The following GRIK2 variants were observed in gnomAD, a reference collection of about 807,000 sequenced individuals.
The protein encoded by GRIK2 is glutamate receptor ionotropic, kainate 2.
Under a neutral mutation model 100.3 loss-of-function variants are expected in GRIK2, and 32 were observed. That is an observed-to-expected ratio of 0.32 (90% CI 0.24 to 0.43). The LOEUF (loss-of-function observed/expected upper bound fraction) is 0.43. GRIK2 is among the 20% of genes least tolerant of loss of function. GRIK2 has a pLI of 1.00. For missense variants in GRIK2, 843 were observed against 1,114.9 expected, an observed-to-expected ratio of 0.76 and a Z score of 3.47; for synonymous variants, 417 against 389.4, an observed-to-expected ratio of 1.07 and a Z score of -0.83.
intron 14 of GRIK2, among the ~76,000 whole-genome samples, chr6:102,007,263 A>C (rs12205285): frequency 0.073 from 11,157 of 152,136 alleles, 575 homozygotes; most frequent in Middle Eastern, 0.19. Flanking sequence ...TTGAGAAGGT[A>C]ATTGAAAAGG....
intron 2 of GRIK2, among the ~76,000 whole-genome samples, chr6:101,496,550 C>T (rs1773458566): frequency 6.6e-6 from 1 of 152,104 alleles, no homozygotes; most frequent in South Asian, 2.1e-4. Context: ...ATTTTGTCAA[C>T]AATGATTAAA....
At chr6:101,744,554 A>ATCTATCTATC (rs1347993350) in intron 7 of GRIK2, 15 of 114,814 alleles carry the variant, frequency 1.3e-4, no homozygotes, top group African/African-American at 5.3e-4. Context: ...ATATATATAT[A>ATCTATCTATC]TATATCACAA....
Position 101,719,629 on chromosome 6 carries a change from CAT to C in GRIK2, c.951+33281_951+33282del, listed in dbSNP as rs1164563530. 9.9e-5 allele frequency among the ~76,000 whole-genome samples: 15 copies of C among 151,968 alleles called. No individual in the cohort carries two copies. In the East Asian group the frequency reaches 2.1e-3, roughly 22 times the overall value. On this transcript the variant is annotated intron_variant, in intron 7 of 16. Transcript: ENST00000369134. ...TAATGGCACTGCTGTGCTGGGAAAA[CAT>C]ATATTTTATTTGGAATTTTTGTGTG...
chr6:101,849,834 T>C (rs61356900), intron 10 of GRIK2, among the ~76,000 whole-genome samples: 43 of 93,518 alleles, frequency 4.6e-4, no homozygotes, highest in African/African-American at 1.4e-3. Flanking sequence ...TTTTTTTTTT[T>C]TTTTTGGTCA....
intron 4 of GRIK2, among the ~76,000 whole-genome samples, chr6:101,642,945 T>C (rs780390266): frequency 4.0e-5 from 6 of 151,772 alleles, no homozygotes; most frequent in Admixed American, 2.6e-4. Flanking sequence ...GATATCTAAC[T>C]GTGGTTTTGA....
chr6:101,718,707 C>G (rs1418773497), intron 7 of GRIK2, among the ~76,000 whole-genome samples: 2 of 151,956 alleles, frequency 1.3e-5, no homozygotes, highest in South Asian at 2.1e-4. Flanking sequence ...TGATATCAAA[C>G]AGTTCACCAC....
At chr6:102,050,970 A>G (rs1244601827) in intron 15 of GRIK2, among the ~76,000 whole-genome samples, 1 of 152,158 alleles carries the variant, frequency 6.6e-6, no homozygotes, top group African/African-American at 2.4e-5. Flanking sequence ...ATGTCTTGGG[A>G]GAGATTCTCA....
intron 2 of GRIK2, among the ~76,000 whole-genome samples, chr6:101,576,385 G>GTT (rs1777788731): frequency 6.6e-6 from 1 of 152,036 alleles, no homozygotes. Flanking sequence ...TGATGTTTAT[G>GTT]AGGTGATAAT....
At chr6:101,831,366 G>A (rs1782680123) in intron 10 of GRIK2, among the ~76,000 whole-genome samples, 1 of 151,900 alleles carries the variant, frequency 6.6e-6, no homozygotes, top group Admixed American at 6.6e-5. Context: ...TGGTAGCTTC[G>A]AGGCTTCTTT....
chr6:101,604,578 CTCATTTTAT>C (rs1453708131), intron 2 of GRIK2, among the ~76,000 whole-genome samples: 1 of 151,850 alleles, frequency 6.6e-6, no homozygotes, highest in East Asian at 1.9e-4. Context: ...TTTTGTAACA[CTCATTTTAT>C]TCATTTTAAT....
At chr6:101,428,679 T>G (rs1268332799) in intron 2 of GRIK2, among the ~76,000 whole-genome samples, 1 of 150,940 alleles carries the variant, frequency 6.6e-6, no homozygotes, top group Non-Finnish European at 1.5e-5. Flanking sequence ...ATACATATAT[T>G]AGTTTAAAAA....
intron 14 of GRIK2, among the ~76,000 whole-genome samples, chr6:102,013,854 A>G (rs144526469): frequency 5.8e-4 from 86 of 149,444 alleles, no homozygotes; most frequent in Non-Finnish European, 3.0e-4. Flanking sequence ...AGGATTTTGC[A>G]TCAGTGTTCA....
At chr6:101,677,563 T>C (rs538096013) in intron 5 of GRIK2, among the ~76,000 whole-genome samples, 1 of 152,216 alleles carries the variant, frequency 6.6e-6, no homozygotes, top group Non-Finnish European at 1.5e-5. Flanking sequence ...ATCTTACAGA[T>C]GAAGGAACTG....
rs1409170646 is a variant in GRIK2 at position 102,069,584 on chromosome 6, G to A, written c.*1073G>A. ...GTGAGAGAACTTGGAAGTGGACTGC[G>A]TTTATCAATACAGTCACAATGTTAA... On this transcript the variant is annotated 3_prime_UTR_variant, in exon 17 of 17. Coordinates refer to ENST00000369134, the MANE Select transcript of GRIK2 (RefSeq NM_021956.5). The A allele has an allele frequency of 2.6e-5, 4 of 151,728 alleles. No homozygotes were observed. Among genetic ancestry groups the A allele is most frequent in the Non-Finnish European group, 5.9e-5 (4 of 67,918 alleles). The allele number at this position is 151,728 out of a possible 1,614,324, so 9.4% of individuals were successfully genotyped here.
At chr6:101,626,276 C>A in intron 3 of GRIK2, 104 bp from the exon 4 acceptor site, 3 of 1,064,434 alleles carry the variant, frequency 2.8e-6, no homozygotes, top group South Asian at 1.7e-5. Flanking sequence ...AAACACAAAT[C>A]TTTCTTGAGA....
At position 101,680,384 on chromosome 6, in the gene GRIK2, A is replaced by G. The variant is rs531170822; in HGVS notation, c.724-2169A>G. Among the ~76,000 whole-genome samples, 40 of 152,268 alleles carry G rather than the reference A, an allele frequency of 2.6e-4. No individual in the cohort carries two copies. The South Asian group carries it at 7.9e-3, about 30-fold the overall frequency. On this transcript the variant is annotated intron_variant, in intron 5 of 16. Coordinates refer to ENST00000369134, the MANE Select transcript of GRIK2 (RefSeq NM_021956.5). ...CAACTTTGAGAATATGAAATATACC[A>G]CTTTAGAAAATGACATAGATTCCAA...
intron 7 of GRIK2, among the ~76,000 whole-genome samples, chr6:101,697,341 G>A (rs1246264354): frequency 2.0e-3 from 2 of 996 alleles, no homozygotes; most frequent in Non-Finnish European, 4.1e-3. Context: ...TAGGGTGTAC[G>A]TGTGTGTGTG....
chr6:102,010,371 C>G (rs867433100), intron 14 of GRIK2, among the ~76,000 whole-genome samples: 1 of 151,062 alleles, frequency 6.6e-6, no homozygotes, highest in African/African-American at 2.4e-5. Flanking sequence ...CTCCTCCCCC[C>G]ACTTCTTCTT....
At chr6:101,931,905 G>A (rs1790311831) in intron 14 of GRIK2, among the ~76,000 whole-genome samples, 1 of 151,950 alleles carries the variant, frequency 6.6e-6, no homozygotes, top group Non-Finnish European at 1.5e-5. Context: ...TTGGAATCTG[G>A]GAATTTAGTG....
Sources: gnomAD v4.1 joint callset for allele counts (sites outside exome capture counted in the v4.1 genomes callset) on GRCh38, gnomAD v4.1.1 for gene constraint, MANE v1.5 for transcripts, NCBI Gene and HGNC (gene_info 2026-07-23, HGNC 2026-07-21) for gene names.